Variants in ANLN observed in about 807,000 individuals in gnomAD.
The protein encoded by ANLN is anillin.
Under a neutral mutation model 135.1 loss-of-function variants are expected in ANLN, and 59 were observed. The observed-to-expected ratio is 0.44, with a 90% CI of 0.35 to 0.54. The LOEUF is 0.54. Ranked by LOEUF, ANLN falls within the 20% of genes least tolerant of loss-of-function variation. The probability of loss-of-function intolerance (pLI) is 0.00; values close to 1 mark genes in which losing one functional copy is unlikely to be tolerated. For missense variants in ANLN, 1,182 were observed against 1,340.0 expected, an observed-to-expected ratio of 0.88 and a Z score of 1.84; for synonymous variants, 406 against 456.4, an observed-to-expected ratio of 0.89 and a Z score of 1.41.
chr7:36,452,762 C>T lies in ANLN; in HGVS notation c.*162C>T, dbSNP rs1450401404. The T allele has an allele frequency of 4.3e-6, 3 of 698,066 alleles. No individual in the cohort carries two copies. In the East Asian group the frequency reaches 8.3e-5, roughly 19 times the overall value. 43.2% of individuals were successfully genotyped at this position (698,066 alleles called of 1,614,324 possible). Reference sequence around the variant, plus strand: ...GTATTTATATCTTTTGTATGTAAAACTTTAACTGATTTCTGTCATTCATCA... The same window carrying T: ...GTATTTATATCTTTTGTATGTAAAATTTTAACTGATTTCTGTCATTCATCA... On this transcript the variant is annotated 3_prime_UTR_variant, in exon 24 of 24. Coordinates refer to ENST00000265748, the MANE Select transcript of ANLN (RefSeq NM_018685.5).
At chr7:36,431,049 G>A (rs2116720423) in intron 20 of ANLN, among the ~76,000 whole-genome samples, 1 of 152,236 alleles carries the variant, frequency 6.6e-6, no homozygotes, top group Non-Finnish European at 1.5e-5. Context: ...AGAGTAAGAG[G>A]GCACATTTTC....
intron 1 of ANLN, among the ~76,000 whole-genome samples, chr7:36,393,150 A>G (rs1365070499): frequency 1.3e-5 from 2 of 151,904 alleles, no homozygotes; most frequent in East Asian, 3.9e-4. Flanking sequence ...CAGCCTCCCA[A>G]GTAGCTGGGA....
rs112581866 is a variant in ANLN at position 36,420,156 on chromosome 7, C to A, written c.1870-13C>A. 1.2e-6 allele frequency: 2 copies of A among 1,608,086 alleles called. No individual in the cohort carries two copies. Among genetic ancestry groups the A allele is most frequent in the Non-Finnish European group, 1.7e-6 (2 of 1,176,148 alleles). On this transcript the variant is annotated splice_polypyrimidine_tract_variant and intron_variant, in intron 10 of 23. Coordinates refer to ENST00000265748, the MANE Select transcript of ANLN (RefSeq NM_018685.5). ...TTAGGATCAATGTTAATATCTGATG[C>A]GTTTTCCCACAGAGTTTAGTGTCCA...
chr7:36,403,861 G>A (rs10240378), intron 3 of ANLN, among the ~76,000 whole-genome samples: 37,954 of 151,922 alleles, frequency 0.25, 4,835 homozygotes, highest in East Asian at 0.41. Flanking sequence ...AGGTTTTGCC[G>A]TGTTGCCCAG....
chr7:36,434,706 A>G (rs1373506767), intron 20 of ANLN, among the ~76,000 whole-genome samples: 2 of 152,098 alleles, frequency 1.3e-5, no homozygotes, highest in African/African-American at 4.8e-5. Context: ...TCTATTAAAA[A>G]TACAAAAATT....
At chr7:36,399,478 A>C in intron 3 of ANLN, 85 bp downstream of exon 3, 1 of 1,202,776 alleles carries the variant, frequency 8.3e-7, no homozygotes, top group Non-Finnish European at 1.1e-6. Flanking sequence ...CAGTTAACTC[A>C]TGAAAAATAA....
At chr7:36,412,306 A>AATATATATAT (rs60215077) in intron 7 of ANLN, among the ~76,000 whole-genome samples, 64 of 102,644 alleles carry the variant, frequency 6.2e-4, no homozygotes, top group South Asian at 1.4e-3. Context: ...CTGCCAGAGA[A>AATATATATAT]ATATATATAT....
intron 18 of ANLN, 136 bp downstream of exon 18, chr7:36,425,876 G>C: frequency 8.9e-7 from 1 of 1,123,796 alleles, no homozygotes; most frequent in Non-Finnish European, 1.3e-6. Context: ...GGATATCCCT[G>C]TAATTTATGT....
chr7:36,413,988 C>T (rs1442091435), intron 7 of ANLN, among the ~76,000 whole-genome samples: 1 of 144,646 alleles, frequency 6.9e-6, no homozygotes, highest in East Asian at 2.0e-4. Context: ...AGTGAGACTC[C>T]GTCTCAAAAA....
At chr7:36,427,669 A>C (rs1485682653) in intron 20 of ANLN, among the ~76,000 whole-genome samples, 1 of 152,162 alleles carries the variant, frequency 6.6e-6, no homozygotes, top group Non-Finnish European at 1.5e-5. Context: ...ATTTGAACCT[A>C]TATTTTGAAA....
At chr7:36,413,758 A>G (rs186511190) in intron 7 of ANLN, among the ~76,000 whole-genome samples, 1 of 152,332 alleles carries the variant, frequency 6.6e-6, no homozygotes, top group East Asian at 1.9e-4. Flanking sequence ...TAGGAGACTG[A>G]GGCAGGTGGA....
Position 36,407,931 on chromosome 7 carries a change from A to G in ANLN, c.1071A>G (p.Gln357=), listed in dbSNP as rs1405837540. The G allele has an allele frequency of 1.2e-6, 2 of 1,613,256 alleles. No individual in the cohort carries two copies. Among genetic ancestry groups the G allele is most frequent in the South Asian group, 1.1e-5 (1 of 91,014 alleles). ...GTAGAGAAATTTGTCTGCAATCTCA[A>G]TCTAAAGACAAATCTACGACACCAG... is the stretch of plus-strand genomic sequence containing the variant. ...ELSREICLQS[Q]SKDKSTTPGG... Residue 357 remains glutamine (Q), a synonymous_variant, in exon 5 of 24, where the codon CAA becomes CAG. Transcript: ENST00000265748.
At chr7:36,438,116 T>C (rs1416226587) in intron 20 of ANLN, among the ~76,000 whole-genome samples, 1 of 152,172 alleles carries the variant, frequency 6.6e-6, no homozygotes, top group Non-Finnish European at 1.5e-5. Context: ...ATTTTAGCTC[T>C]CATACTTAGG....
At chr7:36,444,289 CAAA>C (rs35434005) in intron 22 of ANLN, among the ~76,000 whole-genome samples, 5 of 132,358 alleles carry the variant, frequency 3.8e-5, no homozygotes, top group Non-Finnish European at 6.5e-5. Context: ...GACTCCATCT[CAAA>C]AAAAAAAAAA....
chr7:36,421,827 T>A, intron 12 of ANLN, 30 bp from the exon 13 acceptor site: 3 of 1,567,612 alleles, frequency 1.9e-6, no homozygotes, highest in Non-Finnish European at 1.7e-6. Context: ...AAAATGTGTA[T>A]ATTTTTTCTC....
At chr7:36,424,252 T>A (rs961653392) in intron 15 of ANLN, among the ~76,000 whole-genome samples, 2 of 152,172 alleles carry the variant, frequency 1.3e-5, no homozygotes, top group African/African-American at 4.8e-5. Flanking sequence ...CATTCAGTCT[T>A]AATGAAAATA....
intron 21 of ANLN, 54 bp from the exon 22 acceptor site, chr7:36,443,701 G>A (rs1788871997): frequency 1.7e-6 from 2 of 1,183,634 alleles, no homozygotes; most frequent in African/African-American, 1.5e-5. Flanking sequence ...GCATTTCATT[G>A]TTAGGACATT....
chr7:36,442,954 A>G (rs944720634), intron 21 of ANLN, among the ~76,000 whole-genome samples: 1 of 141,092 alleles, frequency 7.1e-6, no homozygotes, highest in Admixed American at 7.1e-5. Context: ...TTTTTTTTTT[A>G]AATTAAAAGT....
At chr7:36,404,499 T>G (rs1001427214) in intron 3 of ANLN, among the ~76,000 whole-genome samples, 1 of 152,268 alleles carries the variant, frequency 6.6e-6, no homozygotes, top group Non-Finnish European at 1.5e-5. Flanking sequence ...TTTCATAGTT[T>G]GAGGTACGAC....
Sources: gnomAD v4.1 joint callset for allele counts (sites outside exome capture counted in the v4.1 genomes callset) on GRCh38, gnomAD v4.1.1 for gene constraint, MANE v1.5 for transcripts, NCBI Gene and HGNC (gene_info 2026-07-23, HGNC 2026-07-21) for gene names.